STOX2: variants seen among roughly 807,000 people sequenced by gnomAD.
The protein encoded by STOX2 is storkhead box 2, also known as storkhead-box protein 2.
Under a neutral mutation model 60.9 loss-of-function variants are expected in STOX2, and 28 were observed. The observed-to-expected ratio is 0.46, with a 90% CI of 0.34 to 0.63. STOX2 has a LOEUF of 0.63. STOX2 is among the 30% of genes least tolerant of loss of function. The pLI, the probability that STOX2 is intolerant of heterozygous loss-of-function variation, is 0.01. For synonymous variants in STOX2, 472 were observed against 463.9 expected (o/e 1.02, Z -0.22); for missense variants, 1,024 against 1,187.7 (o/e 0.86, Z 2.03).
intron 1 of STOX2, among the ~76,000 whole-genome samples, chr4:183,861,324 C>T (rs879591524): frequency 1.3e-5 from 2 of 152,114 alleles, no homozygotes; most frequent in Non-Finnish European, 2.9e-5. Flanking sequence ...GGTCCTCACC[C>T]TGCTGCAGTG....
rs1398934487 is a variant in STOX2 at position 184,018,431 on chromosome 4, T to C, written c.*1147T>C. On this transcript the variant is annotated 3_prime_UTR_variant, in exon 4 of 4. Transcript: ENST00000308497. ...TGGGAAGATATGTATAGAGAAAACT[T>C]TTAAAATAATTTTTGATTAGAAATA... 1 of 150,646 alleles carries C rather than the reference T, an allele frequency of 6.6e-6. No homozygotes were observed. Among genetic ancestry groups the C allele is most frequent in the African/African-American group, 2.4e-5 (1 of 41,274 alleles). The allele number at this position is 150,646 out of a possible 1,614,324, so 9.3% of individuals were successfully genotyped here.
At chr4:183,937,984 CA>C (rs1439753807) in intron 1 of STOX2, among the ~76,000 whole-genome samples, 2 of 151,990 alleles carry the variant, frequency 1.3e-5, no homozygotes, top group African/African-American at 4.8e-5. Context: ...CCCTTCTCTA[CA>C]AAAAAATCAG....
At chr4:183,873,302 C>T (rs890820712) in intron 1 of STOX2, among the ~76,000 whole-genome samples, 1 of 152,082 alleles carries the variant, frequency 6.6e-6, no homozygotes, top group Non-Finnish European at 1.5e-5. Flanking sequence ...CAAAATTAGC[C>T]AGGCGTGTTG....
chr4:183,802,100 G>C (rs1396926664), intron 1 of STOX2, among the ~76,000 whole-genome samples: 2 of 152,144 alleles, frequency 1.3e-5, no homozygotes, highest in Non-Finnish European at 2.9e-5. Context: ...AGCCATGTGC[G>C]TGCTCCCCCT....
intron 1 of STOX2, among the ~76,000 whole-genome samples, chr4:183,940,028 T>C (rs1414821802): frequency 1.3e-5 from 2 of 152,194 alleles, no homozygotes; most frequent in African/African-American, 4.8e-5. Context: ...CTCAGCCTCC[T>C]GAGTACTGGA....
chr4:183,943,660 C>T lies in STOX2; in HGVS notation c.166+36704C>T, dbSNP rs548920878. 6.4e-4 allele frequency among the ~76,000 whole-genome samples: 98 copies of T among 152,282 alleles called. No individual in the cohort carries two copies. In the South Asian group the frequency reaches 0.018, roughly 28 times the overall value. On this transcript the variant is annotated intron_variant, in intron 1 of 3. Transcript: ENST00000308497. Reference sequence around the variant, plus strand: ...ATCTCAGGCCAAGGCAGGCAAATCACGAGGTCAGGAGTTCGAGACCAGCCT... The same window carrying T: ...ATCTCAGGCCAAGGCAGGCAAATCATGAGGTCAGGAGTTCGAGACCAGCCT...
At chr4:183,888,284 T>C (rs1560864848) in intron 1 of STOX2, among the ~76,000 whole-genome samples, 1 of 152,200 alleles carries the variant, frequency 6.6e-6, no homozygotes, top group Non-Finnish European at 1.5e-5. Flanking sequence ...TAATGCTCTC[T>C]ACCAGGCATT....
rs568720134 is a variant in STOX2, at chr4:183,813,842, A to T, written c.364+15787A>T. On this transcript the variant is annotated intron_variant, in intron 1 of 2. Coordinates refer to the STOX2 transcript ENST00000513034. The stretch of plus-strand genomic sequence containing the variant: ...CTCAGTACTGACAAGGGTAAAATAA[A>T]TCTGATACCTTAATGTGCTGCCAGT... Among the ~76,000 whole-genome samples, 22 of 152,348 alleles carry T rather than the reference A, an allele frequency of 1.4e-4. No individual in the cohort carries two copies. The East Asian group carries it at 4.2e-3, about 29-fold the overall frequency.
chr4:183,856,085 T>C lies in STOX2; in HGVS notation c.364+58030T>C, dbSNP rs1044924581. 6.6e-6 allele frequency among the ~76,000 whole-genome samples: 1 copy of C among 152,198 alleles called. No homozygotes were observed. The highest frequency in any genetic ancestry group is 6.5e-5 in the Admixed American group (1 of 15,280). ...TCCTGGCCTGGTGGTAGCATCTTGC[T>C]GCAGGGATGGACCTCTCAGAAACAT... On this transcript the variant is annotated intron_variant, in intron 1 of 2. Transcript: ENST00000513034. The surrounding 1 kb of genome is among the most constrained non-coding windows in gnomAD (Gnocchi z 4.0).
Position 183,874,782 on chromosome 4 carries a change from C to T in STOX2, c.364+76727C>T, listed in dbSNP as rs373616291. 8.7e-4 allele frequency among the ~76,000 whole-genome samples: 131 copies of T among 150,388 alleles called. 1 individual carries two copies. The East Asian group carries it at 0.012, about 13-fold the overall frequency. ...TCTAGTAAAAATACAAAAAATTAGCCGGGCGAGCTGGCAGGCGCCTGTAGT... is the reference window on the plus strand; with the variant it reads ...TCTAGTAAAAATACAAAAAATTAGCTGGGCGAGCTGGCAGGCGCCTGTAGT... On this transcript the variant is annotated intron_variant, in intron 1 of 2. Transcript: ENST00000513034.
Position 184,001,251 on chromosome 4 carries a change from C to T in STOX2, c.167-74C>T, listed in dbSNP as rs562334794. On this transcript the variant is annotated intron_variant, in intron 1 of 3. Transcript: ENST00000308497. The surrounding 1 kb of genome is among the most constrained non-coding windows in gnomAD (Gnocchi z 4.2). ...GTTCGTCAGACCAGGGCCAGATGGA[C>T]GCGTGAAGGCGTGTGTCTGACAGAT... The T allele has an allele frequency of 5.3e-5, 77 of 1,459,914 alleles. No individual in the cohort carries two copies. Among genetic ancestry groups the T allele is most frequent in the Admixed American group, 2.3e-4 (13 of 57,692 alleles). 90.4% of individuals were successfully genotyped at this position (1,459,914 alleles called of 1,614,324 possible).
intron 1 of STOX2, among the ~76,000 whole-genome samples, chr4:183,909,153 TG>T (rs1741707608): frequency 6.6e-6 from 1 of 152,168 alleles, no homozygotes; most frequent in Non-Finnish European, 1.5e-5. Flanking sequence ...TTTTGGGGGT[TG>T]GGTTGGGAAG....
At position 183,865,488 on chromosome 4, in the gene STOX2, C is replaced by T. The variant is rs1007680565; in HGVS notation, c.364+67433C>T. ...CCCGTATTTTCTCTAAATGAGCTTA[C>T]GGTCTGTTTGGGGAGATAAGTATTA... On this transcript the variant is annotated intron_variant, in intron 1 of 2. Transcript: ENST00000513034. This position sits in a 1 kb window ranked among gnomAD's most constrained non-coding sequence, Gnocchi z 4.1. Among the ~76,000 whole-genome samples the T allele has an allele frequency of 2.0e-5, 3 of 152,140 alleles. No individual in the cohort carries two copies. The highest frequency in any genetic ancestry group is 7.2e-5 in the African/African-American group (3 of 41,414).
chr4:183,956,255 C>T (rs1198970990), intron 1 of STOX2, among the ~76,000 whole-genome samples: 3 of 152,150 alleles, frequency 2.0e-5, no homozygotes, highest in African/African-American at 7.2e-5. Flanking sequence ...TTCCTCCCAC[C>T]AGCTTTTAAT....
chr4:183,933,427 C>T lies in STOX2; in HGVS notation c.166+26471C>T, dbSNP rs1181253058. 2.6e-5 allele frequency among the ~76,000 whole-genome samples: 4 copies of T among 151,974 alleles called. 1 individual carries two copies. Among genetic ancestry groups the T allele is most frequent in the African/African-American group, 2.4e-5 (1 of 41,374 alleles). On this transcript the variant is annotated intron_variant, in intron 1 of 3. Coordinates refer to ENST00000308497, the MANE Select transcript of STOX2 (RefSeq NM_020225.3). Reference sequence around the variant, plus strand: ...GTTGTTGAGACAGTTTCACTCTTGTCGCCCTGGCTAGAGTGCAATGGCATG... The same window carrying T: ...GTTGTTGAGACAGTTTCACTCTTGTTGCCCTGGCTAGAGTGCAATGGCATG...
intron 1 of STOX2, among the ~76,000 whole-genome samples, chr4:183,834,595 C>A (rs60300925): frequency 0.086 from 13,149 of 152,168 alleles, 1,845 homozygotes; most frequent in African/African-American, 0.3. Flanking sequence ...GTTGGCTCTA[C>A]ATTCTATATA....
chr4:183,934,334 A>C (rs978432959), intron 1 of STOX2, among the ~76,000 whole-genome samples: 1 of 152,060 alleles, frequency 6.6e-6, no homozygotes, highest in Non-Finnish European at 1.5e-5. Context: ...AAATAAAATA[A>C]AGAGGTAAAT....
intron 1 of STOX2, among the ~76,000 whole-genome samples, chr4:183,985,850 AG>A (rs1231074199): frequency 1.3e-5 from 2 of 152,210 alleles, no homozygotes; most frequent in Non-Finnish European, 2.9e-5. Flanking sequence ...TGCATTCTTA[AG>A]GTGCGTGTGC....
At chr4:183,951,444 C>CT (rs1163579369) in intron 1 of STOX2, among the ~76,000 whole-genome samples, 5,247 of 66,432 alleles carry the variant, frequency 0.079, 138 homozygotes, top group Non-Finnish European at 0.091. Context: ...CTCTCTCTCT[C>CT]TTTTTTTTTT....
Sources: gnomAD v4.1 joint callset for allele counts (sites outside exome capture counted in the v4.1 genomes callset) on GRCh38, gnomAD v4.1.1 for gene constraint, Gnocchi (gnomAD v3.1) non-coding constraint, MANE v1.5 for transcripts, NCBI Gene and HGNC (gene_info 2026-07-23, HGNC 2026-07-21) for gene names.